ENDOD1: variants seen among roughly 807,000 people sequenced by gnomAD.
ENDOD1 encodes the protein endonuclease domain-containing 1 protein.
In ENDOD1, 9 loss-of-function variants were observed where a neutral mutation model predicts 6.5. The ratio of observed to expected loss-of-function variants is 1.39; its 90% CI spans 0.84 to 2.43. The LOEUF is 2.43. Among genes scored for constraint, ENDOD1 ranks in the 30% most tolerant of loss-of-function variants. The probability of loss-of-function intolerance (pLI) is 0.00; values close to 1 mark genes in which losing one functional copy is unlikely to be tolerated. For synonymous variants in ENDOD1, 255 were observed against 255.2 expected (o/e 1.00, Z 0.01); for missense variants, 648 against 635.5 (o/e 1.02, Z -0.21).
At chr11:95,114,298 G>A (rs1350812448) in intron 1 of ENDOD1, among the ~76,000 whole-genome samples, 1 of 151,766 alleles carries the variant, frequency 6.6e-6, no homozygotes, top group African/African-American at 2.4e-5. Context: ...TTGTAGAGAC[G>A]GGGTTTCACT....
chr11:95,115,394 G>T (rs77693298), intron 1 of ENDOD1, among the ~76,000 whole-genome samples: 105 of 144,794 alleles, frequency 7.3e-4, no homozygotes, highest in Admixed American at 1.2e-3. Context: ...TTTTTTTTTT[G>T]TGTGTGTGTG....
chr11:95,092,910 G>C (rs1276110275), intron 1 of ENDOD1, among the ~76,000 whole-genome samples: 5 of 152,172 alleles, frequency 3.3e-5, no homozygotes, highest in Admixed American at 3.3e-4. Flanking sequence ...TTTTTATGAG[G>C]TCAGTGTTAC....
At chr11:95,118,822 A>G (rs1859235622) in intron 1 of ENDOD1, among the ~76,000 whole-genome samples, 1 of 152,028 alleles carries the variant, frequency 6.6e-6, no homozygotes, top group African/African-American at 2.4e-5. Flanking sequence ...TATTTTCTAG[A>G]TCTTGTAGGT....
chr11:95,120,925 A>G (rs1859257305), intron 1 of ENDOD1, among the ~76,000 whole-genome samples: 1 of 152,192 alleles, frequency 6.6e-6, no homozygotes, highest in Non-Finnish European at 1.5e-5. Flanking sequence ...AGTTTGGTCC[A>G]GTTTTGCTTC....
At chr11:95,115,482 G>A (rs656997) in intron 1 of ENDOD1, among the ~76,000 whole-genome samples, 57,450 of 151,638 alleles carry the variant, frequency 0.38, 12,103 homozygotes, top group East Asian at 0.67. Flanking sequence ...CAATTTGGAT[G>A]CCCTTTATTT....
intron 1 of ENDOD1, among the ~76,000 whole-genome samples, chr11:95,108,459 T>C (rs1859113334): frequency 6.7e-6 from 1 of 149,982 alleles, no homozygotes; most frequent in South Asian, 2.1e-4. Flanking sequence ...AAAAGGCCTT[T>C]CAGGAAATGA....
intron 1 of ENDOD1, among the ~76,000 whole-genome samples, chr11:95,099,088 A>G (rs1565443894): frequency 6.6e-6 from 1 of 152,122 alleles, no homozygotes; most frequent in Non-Finnish European, 1.5e-5. Context: ...GGGTTATTGC[A>G]AGTACTCCAT....
intron 1 of ENDOD1, among the ~76,000 whole-genome samples, chr11:95,094,291 G>A (rs1472935146): frequency 6.6e-6 from 1 of 152,008 alleles, no homozygotes; most frequent in Non-Finnish European, 1.5e-5. Flanking sequence ...GTGTTTTAGG[G>A]TCACACAGCT....
chr11:95,117,986 A>G (rs901433497), intron 1 of ENDOD1, among the ~76,000 whole-genome samples: 2 of 152,182 alleles, frequency 1.3e-5, no homozygotes, highest in Non-Finnish European at 2.9e-5. Flanking sequence ...TTTTAAGCTG[A>G]TAACAATTTA....
chr11:95,124,045 A>C (rs1175635891), intron 1 of ENDOD1, among the ~76,000 whole-genome samples: 1 of 152,196 alleles, frequency 6.6e-6, no homozygotes, highest in Non-Finnish European at 1.5e-5. Context: ...CAACCAGTAG[A>C]AGCAACAAAA....
chr11:95,089,877 C>T lies in ENDOD1; in HGVS notation c.-51C>T. The T allele has an allele frequency of 7.8e-7, 1 of 1,287,188 alleles. No individual in the cohort carries two copies. Among genetic ancestry groups the T allele is most frequent in the East Asian group, 3.2e-5 (1 of 30,782 alleles). The allele number at this position is 1,287,188 out of a possible 1,614,324, so 79.7% of individuals were successfully genotyped here. On this transcript the variant is annotated 5_prime_UTR_variant, in exon 1 of 2. Coordinates refer to ENST00000278505, the MANE Select transcript of ENDOD1 (RefSeq NM_015036.3). ...CGCTCCCCGCCCAGCCTGCAGAGCT[C>T]GCGCCGCGGCAGCCCAGCCGCTCGG...
At chr11:95,115,691 A>G (rs1394578042) in intron 1 of ENDOD1, among the ~76,000 whole-genome samples, 1 of 151,892 alleles carries the variant, frequency 6.6e-6, no homozygotes, top group Non-Finnish European at 1.5e-5. Flanking sequence ...GAGGTCTTTT[A>G]TTGTGAAGAG....
intron 1 of ENDOD1, among the ~76,000 whole-genome samples, chr11:95,090,587 C>T (rs567817305): frequency 1.3e-5 from 2 of 152,316 alleles, no homozygotes; most frequent in East Asian, 1.9e-4. Context: ...CGTTCAGATC[C>T]GCAGAAAGCC....
intron 1 of ENDOD1, among the ~76,000 whole-genome samples, chr11:95,100,865 GTTTTTTTT>G (rs34680715): frequency 1.4e-5 from 1 of 72,292 alleles, no homozygotes; most frequent in South Asian, 6.6e-4. Context: ...CCTGCTGGGT[GTTTTTTTT>G]TTTTTTTTTT....
Position 95,112,183 on chromosome 11 carries a change from T to G in ENDOD1, c.301-16194T>G, listed in dbSNP as rs533593430. On this transcript the variant is annotated intron_variant, in intron 1 of 1. Coordinates refer to ENST00000278505, the MANE Select transcript of ENDOD1 (RefSeq NM_015036.3). The stretch of plus-strand genomic sequence containing the variant: ...CCAAAGCTTTCTCCTCCCTTGACTT[T>G]TGGCATGACCCTAGACAACTGATTC... Among the ~76,000 whole-genome samples, 32 of 152,338 alleles carry G rather than the reference T, an allele frequency of 2.1e-4. No homozygotes were observed. The South Asian group carries it at 6.0e-3, about 29-fold the overall frequency.
intron 1 of ENDOD1, among the ~76,000 whole-genome samples, chr11:95,125,035 A>G (rs1263892769): frequency 2.0e-5 from 3 of 151,308 alleles, no homozygotes; most frequent in African/African-American, 7.3e-5. Flanking sequence ...GCCTCTTTCT[A>G]TTGCTTCCTC....
chr11:95,094,937 G>T (rs1858968478), intron 1 of ENDOD1, among the ~76,000 whole-genome samples: 1 of 152,184 alleles, frequency 6.6e-6, no homozygotes, highest in South Asian at 2.1e-4. Context: ...AAATAAACAA[G>T]ATAACACATG....
At chr11:95,112,441 G>C (rs80138517) in intron 1 of ENDOD1, among the ~76,000 whole-genome samples, 6,455 of 152,300 alleles carry the variant, frequency 0.042, 165 homozygotes, top group African/African-American at 0.052. Context: ...TCCCATGTCT[G>C]ACATGGAGAT....
chr11:95,127,448 A>G (rs1232450769), intron 1 of ENDOD1, among the ~76,000 whole-genome samples: 1 of 152,244 alleles, frequency 6.6e-6, no homozygotes, highest in Non-Finnish European at 1.5e-5. Context: ...TCAAACAGCA[A>G]CTGGTCTAAT....
Sources: allele counts gnomAD v4.1 joint callset (sites outside exome capture counted in the v4.1 genomes callset), GRCh38; gene constraint gnomAD v4.1.1; transcripts MANE v1.5; gene names NCBI Gene and HGNC (gene_info 2026-07-23, HGNC 2026-07-21).